The following RAPGEF2 variants were observed in gnomAD, a reference collection of about 807,000 sequenced individuals.
RAPGEF2 encodes the protein PDZ domain containing guanine nucleotide exchange factor (GEF) 1.
Under a neutral mutation model 186.7 loss-of-function variants are expected in RAPGEF2, and 54 were observed. That is an observed-to-expected ratio of 0.29 (90% CI 0.23 to 0.36). The LOEUF (loss-of-function observed/expected upper bound fraction) is 0.36, where lower values mean the gene tolerates loss of function less well. RAPGEF2 is among the 10% of genes least tolerant of loss of function. RAPGEF2 has a pLI of 1.00. For missense variants in RAPGEF2, 1,532 were observed against 2,045.0 expected, an observed-to-expected ratio of 0.75 and a Z score of 4.84; for synonymous variants, 712 against 705.9, an observed-to-expected ratio of 1.01 and a Z score of -0.14.
intron 7 of RAPGEF2, among the ~76,000 whole-genome samples, chr4:159,284,361 C>G (rs1015119000): frequency 6.6e-6 from 1 of 152,106 alleles, no homozygotes; most frequent in Non-Finnish European, 1.5e-5. Context: ...CACATAACTC[C>G]AAGGAATCCT....
intron 7 of RAPGEF2, 130 bp downstream of exon 7, chr4:159,243,921 C>T (rs1754304219): frequency 9.3e-6 from 6 of 646,878 alleles, no homozygotes; most frequent in Non-Finnish European, 1.5e-5. Context: ...CCCTAATTTA[C>T]TTTGAAATTA....
intron 19 of RAPGEF2, among the ~76,000 whole-genome samples, chr4:159,340,428 A>C (rs1258291332): frequency 6.6e-6 from 1 of 152,170 alleles, no homozygotes; most frequent in Non-Finnish European, 1.5e-5. Flanking sequence ...ATTGAAGAAA[A>C]TTATAGATGG....
At position 159,330,452 on chromosome 4, in the gene RAPGEF2, G is replaced by A. The variant is rs775644995; in HGVS notation, c.1421G>A (p.Gly474Asp). The change falls in exon 13 of 30, where the codon GGC becomes GAC. Residue 474 changes from glycine (G) to aspartate (D), a missense_variant. Gly to Asp is a moderately conservative substitution (Grantham distance 94). Transcript: ENST00000691494. The stretch of plus-strand genomic sequence containing the variant: ...TTTCTTTCTAGCCCAATGGAAGTGG[G>A]CAAAAAGTTATTGGAGTGGTTTAAT... ...RTFLSSPMEV[G>D]KKLLEWFNDP... is the part of the protein sequence containing the mutation. 1 of 1,606,252 alleles carries A rather than the reference G, an allele frequency of 6.2e-7. No individual in the cohort carries two copies. Among genetic ancestry groups the A allele is most frequent in the Non-Finnish European group, 8.5e-7 (1 of 1,177,856 alleles).
intron 1 of RAPGEF2, among the ~76,000 whole-genome samples, chr4:159,112,505 C>G (rs1041927607): frequency 1.3e-5 from 2 of 151,854 alleles, no homozygotes; most frequent in African/African-American, 4.8e-5. Context: ...TCCCAATGGC[C>G]AAATTTGGGA....
intron 4 of RAPGEF2, among the ~76,000 whole-genome samples, chr4:159,211,814 A>T (rs185649865): frequency 6.6e-6 from 1 of 152,302 alleles, no homozygotes; most frequent in Admixed American, 6.5e-5. Context: ...GTCTCTTTGG[A>T]AAATGGTCAC....
intron 11 of RAPGEF2, 62 bp from the exon 12 acceptor site, chr4:159,329,796 T>G: frequency 7.5e-7 from 1 of 1,324,806 alleles, no homozygotes. Context: ...ACTGAATTAT[T>G]AGTACTGCTA....
chr4:159,168,218 C>T (rs1745532185), intron 1 of RAPGEF2, among the ~76,000 whole-genome samples: 1 of 152,074 alleles, frequency 6.6e-6, no homozygotes, highest in Non-Finnish European at 1.5e-5. Flanking sequence ...ATATATTCAA[C>T]CCCTTTACCA....
chr4:159,205,267 A>G (rs1051588904), intron 3 of RAPGEF2, among the ~76,000 whole-genome samples: 5 of 152,192 alleles, frequency 3.3e-5, no homozygotes, highest in Non-Finnish European at 7.3e-5. Flanking sequence ...TGGGTGGGAT[A>G]GATGCATTTT....
chr4:159,106,115 A>G (rs1278362347), intron 1 of RAPGEF2, among the ~76,000 whole-genome samples: 11 of 152,238 alleles, frequency 7.2e-5, no homozygotes, highest in Non-Finnish European at 1.5e-5. Flanking sequence ...CCCAACACAG[A>G]ACTTGGCCTG....
At chr4:159,107,945 C>T (rs920953859) in intron 1 of RAPGEF2, among the ~76,000 whole-genome samples, 1 of 152,092 alleles carries the variant, frequency 6.6e-6, no homozygotes, top group African/African-American at 2.4e-5. Flanking sequence ...CATTTTGGGG[C>T]TCTAGTAATA....
intron 4 of RAPGEF2, among the ~76,000 whole-genome samples, chr4:159,233,114 TC>T (rs2111444142): frequency 6.6e-6 from 1 of 152,362 alleles, no homozygotes; most frequent in East Asian, 1.9e-4. Flanking sequence ...GGTTGCCTTT[TC>T]AGTTAATTGA....
intron 7 of RAPGEF2, among the ~76,000 whole-genome samples, chr4:159,289,174 A>G (rs770700360): frequency 2.9e-4 from 44 of 152,158 alleles, no homozygotes; most frequent in Non-Finnish European, 4.6e-4. Flanking sequence ...AGTCATTGCC[A>G]TATCACTAGT....
In RAPGEF2 at chr4:159,127,599, C is replaced by T. The variant is rs149214017; in HGVS notation, c.69+23368C>T. Among the ~76,000 whole-genome samples the T allele has an allele frequency of 5.2e-3, 798 of 152,256 alleles. 7 individuals carry two copies. The highest frequency in any genetic ancestry group is 0.018 in the African/African-American group (759 of 41,554). On this transcript the variant is annotated intron_variant, in intron 1 of 29. Coordinates refer to ENST00000691494, the MANE Select transcript of RAPGEF2 (RefSeq NM_001394067.2). ...TTTCGTAATTATTAAGTGTACATATCTCATTTTTAAACTGCAGAATTCCTC... is the reference window on the plus strand; with the variant it reads ...TTTCGTAATTATTAAGTGTACATATTTCATTTTTAAACTGCAGAATTCCTC...
chr4:159,172,237 T>A (rs957289245), intron 1 of RAPGEF2, among the ~76,000 whole-genome samples: 5 of 152,212 alleles, frequency 3.3e-5, no homozygotes, highest in Admixed American at 1.3e-4. Context: ...TTCCTTTTCC[T>A]TCTTCCTGTA....
At chr4:159,344,674 A>G (rs1340811457) in intron 23 of RAPGEF2, among the ~76,000 whole-genome samples, 2 of 152,252 alleles carry the variant, frequency 1.3e-5, no homozygotes. Context: ...TCAAGGCATA[A>G]GAAGACAATT....
chr4:159,301,228 C>T (rs1401579616), intron 7 of RAPGEF2, among the ~76,000 whole-genome samples: 3 of 151,934 alleles, frequency 2.0e-5, no homozygotes, highest in Non-Finnish European at 2.9e-5. Flanking sequence ...GAAAAATTAG[C>T]CGGGGTCGTG....
rs148537359 is a variant in RAPGEF2, at chr4:159,186,976, A to G, written c.140+264A>G. 2.0e-5 allele frequency among the ~76,000 whole-genome samples: 3 copies of G among 152,258 alleles called. No individual in the cohort carries two copies. In the East Asian group the frequency reaches 5.8e-4, roughly 29 times the overall value. ...TCTTTGAGCTATTTGAAAATACACCACAAATTGTTGTTAATGATATTACCC... is the reference window on the plus strand; with the variant it reads ...TCTTTGAGCTATTTGAAAATACACCGCAAATTGTTGTTAATGATATTACCC... On this transcript the variant is annotated intron_variant, in intron 2 of 29. Transcript: ENST00000691494.
intron 1 of RAPGEF2, among the ~76,000 whole-genome samples, chr4:159,176,539 T>C (rs1481255873): frequency 1.3e-5 from 2 of 152,242 alleles, no homozygotes; most frequent in East Asian, 1.9e-4. Context: ...TGATGTGTTA[T>C]ATTGAATTAC....
intron 4 of RAPGEF2, among the ~76,000 whole-genome samples, chr4:159,218,713 A>G (rs898141214): frequency 7.9e-5 from 12 of 152,062 alleles, no homozygotes; most frequent in Non-Finnish European, 1.5e-4. Flanking sequence ...AGCCAAGATC[A>G]CGCCACTGCA....
Sources: gnomAD v4.1 joint callset for allele counts (sites outside exome capture counted in the v4.1 genomes callset) on GRCh38, gnomAD v4.1.1 for gene constraint, MANE v1.5 for transcripts, NCBI Gene and HGNC (gene_info 2026-07-23, HGNC 2026-07-21) for gene names.